Variants in THRB observed in about 807,000 individuals in gnomAD.
THRB encodes nuclear receptor subfamily 1 group A member 2.
A neutral mutation model predicts 47.8 loss-of-function variants in THRB; 12 were observed. The ratio of observed to expected loss-of-function variants is 0.25; its 90% CI spans 0.16 to 0.41. THRB has a LOEUF of 0.41. Among genes scored for constraint, THRB ranks in the 10% least tolerant of loss-of-function variants. The probability of loss-of-function intolerance (pLI) is 1.00; values close to 1 mark genes in which losing one functional copy is unlikely to be tolerated. For synonymous variants in THRB, 218 were observed against 212.2 expected (o/e 1.03, Z -0.24); for missense variants, 348 against 589.2 (o/e 0.59, Z 4.24).
intron 1 of THRB, among the ~76,000 whole-genome samples, chr3:24,454,582 G>C (rs1379779560): frequency 6.6e-6 from 1 of 152,164 alleles, no homozygotes. Flanking sequence ...AAATGGACCT[G>C]TTTGGCATTT....
At chr3:24,432,702 T>C (rs752279959) in intron 1 of THRB, among the ~76,000 whole-genome samples, 2 of 152,146 alleles carry the variant, frequency 1.3e-5, no homozygotes, top group Non-Finnish European at 2.9e-5. Context: ...AAAGAAATGC[T>C]GTGAAATTTT....
At chr3:24,313,691 A>T (rs2057914833) in intron 2 of THRB, among the ~76,000 whole-genome samples, 1 of 152,196 alleles carries the variant, frequency 6.6e-6, no homozygotes, top group Non-Finnish European at 1.5e-5. Flanking sequence ...TACTAAATAG[A>T]AATTGAGGAT....
intron 2 of THRB, among the ~76,000 whole-genome samples, chr3:24,333,513 G>T (rs2062053961): frequency 6.6e-6 from 1 of 152,162 alleles, no homozygotes; most frequent in Non-Finnish European, 1.5e-5. Flanking sequence ...AGTAAATTCT[G>T]CTCAAACTCT....
rs2062322482 is a variant in THRB, at chr3:24,337,290, G to C, written c.-189+10C>G. The C allele has an allele frequency of 6.6e-6, 1 of 152,162 alleles. No individual in the cohort carries two copies. The highest frequency in any genetic ancestry group is 1.5e-5 in the Non-Finnish European group (1 of 68,020). 9.4% of individuals were successfully genotyped at this position (152,162 alleles called of 1,614,324 possible). On this transcript the variant is annotated intron_variant, in intron 2 of 10. Coordinates refer to ENST00000646209, the MANE Select transcript of THRB (RefSeq NM_001354712.2). ...TCACAAGTCTGCAAATAGTCAAGCT[G>C]ACATCTGACCTTCTTATTCATTAAA...
chr3:24,331,246 ACTC>A (rs894931150), intron 2 of THRB, among the ~76,000 whole-genome samples: 3 of 151,948 alleles, frequency 2.0e-5, no homozygotes, highest in Non-Finnish European at 2.9e-5. Flanking sequence ...TCATAAGTCT[ACTC>A]CTCCTAAAAT....
chr3:24,340,400 TTC>T lies in THRB; in HGVS notation c.-260-3031_-260-3030del, dbSNP rs145048631. Among the ~76,000 whole-genome samples, 301 of 148,044 alleles carry T rather than the reference TTC, an allele frequency of 2.0e-3. 1 individual carries two copies. The highest frequency in any genetic ancestry group is 2.2e-3 in the Non-Finnish European group (144 of 66,616). On this transcript the variant is annotated intron_variant, in intron 1 of 10. Coordinates refer to ENST00000646209, the MANE Select transcript of THRB (RefSeq NM_001354712.2). ...CTTCCTCCTCCTCTTCCACCTTCTTTTCTCTCTCTCTCTCTCTCTCTCATCTC... is the reference window on the plus strand; with the variant it reads ...CTTCCTCCTCCTCTTCCACCTTCTTTTCTCTCTCTCTCTCTCTCTCATCTC...
chr3:24,311,247 C>T (rs2057736124), intron 2 of THRB, among the ~76,000 whole-genome samples: 1 of 152,008 alleles, frequency 6.6e-6, no homozygotes, highest in Non-Finnish European at 1.5e-5. Flanking sequence ...AATGTAAATC[C>T]CAAGCAGGAC....
chr3:24,413,453 T>G (rs1560128246), intron 1 of THRB, among the ~76,000 whole-genome samples: 1 of 151,800 alleles, frequency 6.6e-6, no homozygotes, highest in Non-Finnish European at 1.5e-5. Flanking sequence ...GGCAGCAGCA[T>G]TTGCCACATA....
chr3:24,356,490 C>T (rs1236071775), intron 1 of THRB, among the ~76,000 whole-genome samples: 1 of 152,158 alleles, frequency 6.6e-6, no homozygotes, highest in Non-Finnish European at 1.5e-5. Flanking sequence ...CAACAGGCTT[C>T]TTTCATTCTG....
intron 9 of THRB, among the ~76,000 whole-genome samples, chr3:24,128,961 A>C (rs1318619293): frequency 6.9e-6 from 1 of 145,672 alleles, no homozygotes; most frequent in East Asian, 2.1e-4. Flanking sequence ...TCTTCATTAG[A>C]GCAGTTACAA....
intron 5 of THRB, among the ~76,000 whole-genome samples, chr3:24,189,656 A>G (rs2043081125): frequency 6.6e-6 from 1 of 152,222 alleles, no homozygotes; most frequent in South Asian, 2.1e-4. Context: ...GGTTAAAGGT[A>G]GGCATTGAGA....
intron 8 of THRB, among the ~76,000 whole-genome samples, chr3:24,138,941 A>G (rs1422726535): frequency 6.6e-6 from 1 of 152,238 alleles, no homozygotes; most frequent in East Asian, 1.9e-4. Context: ...TAATGACACA[A>G]TGTCAGCAGA....
intron 1 of THRB, among the ~76,000 whole-genome samples, chr3:24,478,225 T>C (rs1044373044): frequency 2.6e-5 from 4 of 152,148 alleles, no homozygotes; most frequent in African/African-American, 9.7e-5. Context: ...GGAGTATGCA[T>C]ATATTGATAA....
intron 2 of THRB, among the ~76,000 whole-genome samples, chr3:24,301,810 A>G (rs1197863720): frequency 2.0e-5 from 3 of 152,318 alleles, no homozygotes; most frequent in Non-Finnish European, 4.4e-5. Flanking sequence ...ATTATTCTGG[A>G]TTATCCAGGT....
chr3:24,349,835 G>A (rs1293080574), intron 1 of THRB, among the ~76,000 whole-genome samples: 1 of 151,756 alleles, frequency 6.6e-6, no homozygotes, highest in African/African-American at 2.4e-5. Flanking sequence ...GAGGAAAAAA[G>A]AAATAAGTAA....
chr3:24,475,593 T>C (rs2125813258), intron 1 of THRB, among the ~76,000 whole-genome samples: 1 of 152,332 alleles, frequency 6.6e-6, no homozygotes, highest in African/African-American at 2.4e-5. Context: ...AGCAAGAAGA[T>C]GACACTACTA....
chr3:24,247,587 A>C (rs1456828765), intron 3 of THRB, among the ~76,000 whole-genome samples: 1 of 152,248 alleles, frequency 6.6e-6, no homozygotes, highest in Non-Finnish European at 1.5e-5. Flanking sequence ...AATAATGATT[A>C]CATGCATTTA....
intron 3 of THRB, among the ~76,000 whole-genome samples, chr3:24,269,390 C>G (rs993857676): frequency 2.8e-5 from 1 of 36,114 alleles, no homozygotes; most frequent in Non-Finnish European, 6.0e-5. Flanking sequence ...AGCTCACACG[C>G]GCGCGCGCGC....
chr3:24,450,537 T>A (rs1007693160), intron 1 of THRB, among the ~76,000 whole-genome samples: 1 of 152,210 alleles, frequency 6.6e-6, no homozygotes, highest in Non-Finnish European at 1.5e-5. Context: ...ACTACCCAAT[T>A]TATCTATGAG....
Sources: allele counts gnomAD v4.1 joint callset (sites outside exome capture counted in the v4.1 genomes callset), GRCh38; gene constraint gnomAD v4.1.1; transcripts MANE v1.5; gene names NCBI Gene and HGNC (gene_info 2026-07-23, HGNC 2026-07-21).